Variants in BLK observed in about 807,000 individuals in gnomAD.
BLK encodes the protein BLK proto-oncogene, Src family tyrosine kinase, also known as tyrosine-protein kinase Blk.
In BLK, 64 loss-of-function variants were observed where a neutral mutation model predicts 61.8. The ratio of observed to expected loss-of-function variants is 1.03; its 90% CI spans 0.85 to 1.27. BLK has a LOEUF of 1.27. Ranked by LOEUF, BLK falls within the 50% of genes most tolerant of loss-of-function variation. The pLI, the probability that BLK is intolerant of heterozygous loss-of-function variation, is 0.00. For synonymous variants in BLK, 351 were observed against 272.0 expected, an observed-to-expected ratio of 1.29 and a Z score of -2.86; for missense variants, 853 against 660.5, an observed-to-expected ratio of 1.29 and a Z score of -3.19.
intron 5 of BLK, 132 bp from the exon 6 acceptor site, chr8:11,550,027 C>T (rs1800827753): frequency 1.2e-6 from 1 of 809,986 alleles, no homozygotes; most frequent in African/African-American, 1.7e-5. Flanking sequence ...GGAGCAGCAG[C>T]TCAGGGCCGA....
intron 6 of BLK, among the ~76,000 whole-genome samples, chr8:11,551,544 G>T (rs1800905803): frequency 6.6e-6 from 1 of 152,134 alleles, no homozygotes; most frequent in African/African-American, 2.4e-5. Context: ...CATATGAATT[G>T]GGAGCGCACA....
chr8:11,519,594 C>T (rs1384803954), intron 1 of BLK, among the ~76,000 whole-genome samples: 3 of 152,158 alleles, frequency 2.0e-5, no homozygotes, highest in Admixed American at 1.3e-4. Flanking sequence ...ACAGTTCATG[C>T]TTATTTAGAG....
chr8:11,511,843 T>A (rs1482562126), intron 1 of BLK, among the ~76,000 whole-genome samples: 2 of 152,246 alleles, frequency 1.3e-5, no homozygotes, highest in African/African-American at 4.8e-5. Flanking sequence ...ATATTTAGGA[T>A]AACACTGGTT....
In BLK at chr8:11,550,223, G is replaced by A. The variant is rs751857293; in HGVS notation, c.433G>A (p.Ala145Thr). ...ERQLLAPINKAGSFLIRESET... is the reference protein window; with the variant it reads ...ERQLLAPINKTGSFLIRESET... The stretch of plus-strand genomic sequence containing the variant: ...GCAGCTTCTTGCTCCAATCAACAAG[G>A]CCGGCTCCTTTCTTATCAGAGAGAG... The change falls in exon 6 of 13, where the codon GCC becomes ACC. Residue 145 changes from alanine to threonine, a missense_variant. Physicochemically the swap from Ala to Thr is moderately conservative, Grantham distance 58 (BLOSUM62 0). Coordinates refer to ENST00000259089, the MANE Select transcript of BLK (RefSeq NM_001715.3). The A allele has an allele frequency of 1.6e-5, 26 of 1,614,004 alleles. No individual in the cohort carries two copies. Among genetic ancestry groups the A allele is most frequent in the South Asian group, 5.5e-5 (5 of 91,090 alleles).
rs552140816 is a variant in BLK, at chr8:11,520,420, T to C, written c.-1-22804T>C. On this transcript the variant is annotated intron_variant, in intron 1 of 12. Coordinates refer to ENST00000259089, the MANE Select transcript of BLK (RefSeq NM_001715.3). ...TGTGCCCAGAAGATTGAGGCTGCAG[T>C]GAGCCGTGATCATGCCACACACTTC... Among the ~76,000 whole-genome samples, 442 of 127,816 alleles carry C rather than the reference T, an allele frequency of 3.5e-3. 3 individuals are homozygous for C. Among genetic ancestry groups the C allele is most frequent in the African/African-American group, 0.013 (414 of 33,054 alleles). The allele number at this position is 127,816 out of a possible 152,430, so 83.9% of individuals were successfully genotyped here.
rs772174625 is a variant in BLK, at chr8:11,561,211, GCCCACA to G, written c.1030-90_1030-85del. 2.9e-5 allele frequency: 44 copies of G among 1,520,240 alleles called. No individual in the cohort carries two copies. The African/African-American group carries it at 5.4e-4, about 19-fold the overall frequency. 94.2% of individuals were successfully genotyped at this position (1,520,240 alleles called of 1,614,324 possible). ...CCAAGAAACAGCTCCTTCCCCAGCAGCCCACAGGGGCTGTGCGGGGGACACAGTGTG... is the reference window on the plus strand; with the variant it reads ...CCAAGAAACAGCTCCTTCCCCAGCAGGGGGCTGTGCGGGGGACACAGTGTG... On this transcript the variant is annotated intron_variant, in intron 10 of 12. Coordinates refer to ENST00000259089, the MANE Select transcript of BLK (RefSeq NM_001715.3).
At position 11,563,930 on chromosome 8, in the gene BLK, A is replaced by C. The variant is rs1801607102; in HGVS notation, c.1340A>C (p.Asn447Thr). ...ATGAGCAACCCCGAGGTCATCCGCA[A>C]CCTGGAGCGCGGCTACCGCATGCCG... Reference protein sequence around the residue: ...PGMSNPEVIRNLERGYRMPRP... With the variant: ...PGMSNPEVIRTLERGYRMPRP... Residue 447 changes from asparagine (N) to threonine (T), a missense_variant, in exon 13 of 13, where the codon AAC (asparagine) becomes ACC (threonine). By Grantham distance (65) the Asn-to-Thr change is moderately conservative. Transcript: ENST00000259089. 4 of 1,608,670 alleles carry C rather than the reference A, an allele frequency of 2.5e-6. No homozygotes were observed. The highest frequency in any genetic ancestry group is 3.4e-6 in the Non-Finnish European group (4 of 1,179,448).
chr8:11,511,107 T>C lies in BLK; in HGVS notation c.-2+16516T>C, dbSNP rs113112781. 6.3e-3 allele frequency among the ~76,000 whole-genome samples: 964 copies of C among 152,334 alleles called. 3 individuals are homozygous for C. Among genetic ancestry groups the C allele is most frequent in the Middle Eastern group, 0.014 (4 of 294 alleles). ...AGCTGTGTTTACCAAACTGAAATGT[T>C]ACTATTTGAGGCTGAAGGAGCCAAA... On this transcript the variant is annotated intron_variant, in intron 1 of 12. Transcript: ENST00000259089.
intron 1 of BLK, among the ~76,000 whole-genome samples, chr8:11,515,980 G>T (rs541383405): frequency 6.6e-6 from 1 of 152,246 alleles, no homozygotes; most frequent in African/African-American, 2.4e-5. Context: ...GTGCACTCGC[G>T]TGCCTGGGAT....
intron 1 of BLK, among the ~76,000 whole-genome samples, chr8:11,520,061 G>A (rs2117326642): frequency 6.6e-6 from 1 of 152,226 alleles, no homozygotes; most frequent in African/African-American, 2.4e-5. Flanking sequence ...ACAAACCACA[G>A]ATAACTTTGG....
At chr8:11,555,596 A>ATC in intron 8 of BLK, 112 bp downstream of exon 8, 1 of 1,511,090 alleles carries the variant, frequency 6.6e-7, no homozygotes, top group Non-Finnish European at 9.0e-7. Context: ...AAGTCTTGAG[A>ATC]GGGAGCGAGG....
rs1158566798 is a variant in BLK at position 11,549,058 on chromosome 8, A to G, written c.304A>G (p.Thr102Ala). The change falls in exon 5 of 13, where the codon ACA becomes GCA. Residue 102 changes from threonine to alanine, a missense_variant. Transcript: ENST00000259089. ...CTGGTGGCTGGCCAGGTCACTCGTC[A>G]CAGGAAGAGAAGGCTATGTGCCCAG... ...GDWWLARSLV[T>A]GREGYVPSNF... 1.2e-6 allele frequency: 2 copies of G among 1,611,464 alleles called. No individual in the cohort carries two copies. Among genetic ancestry groups the G allele is most frequent in the Non-Finnish European group, 1.7e-6 (2 of 1,179,098 alleles).
At chr8:11,505,952 C>T (rs1209121509) in intron 1 of BLK, among the ~76,000 whole-genome samples, 1 of 152,234 alleles carries the variant, frequency 6.6e-6, no homozygotes, top group East Asian at 1.9e-4. Context: ...AATGTCCCTG[C>T]CTCCGATAAG....
intron 6 of BLK, among the ~76,000 whole-genome samples, chr8:11,550,485 G>T (rs1237700821): frequency 6.6e-6 from 1 of 152,274 alleles, no homozygotes; most frequent in Admixed American, 6.5e-5. Context: ...ACAGGAAGCC[G>T]GGTGGACAGG....
intron 1 of BLK, among the ~76,000 whole-genome samples, chr8:11,515,739 T>C (rs1799198626): frequency 6.6e-6 from 1 of 152,252 alleles, no homozygotes; most frequent in African/African-American, 2.4e-5. Flanking sequence ...TCATGTCATA[T>C]GTGCTGCGCT....
intron 1 of BLK, among the ~76,000 whole-genome samples, chr8:11,538,756 G>C (rs1800241597): frequency 6.6e-6 from 1 of 152,182 alleles, no homozygotes; most frequent in East Asian, 1.9e-4. Flanking sequence ...TTGAGTCAGG[G>C]AGGCTGAGAG....
intron 1 of BLK, among the ~76,000 whole-genome samples, chr8:11,497,370 C>G (rs540268371): frequency 6.6e-6 from 1 of 152,160 alleles, no homozygotes; most frequent in Non-Finnish European, 1.5e-5. Flanking sequence ...AATCCCTTCC[C>G]CACCTTCCCA....
chr8:11,510,774 CAAATAAATAAAT>C (rs71203391), intron 1 of BLK, among the ~76,000 whole-genome samples: 2,912 of 144,920 alleles, frequency 0.02, 70 homozygotes, highest in African/African-American at 0.065. Flanking sequence ...GACTCCATCT[CAAATAAATAAAT>C]AAATAAATAA....
At chr8:11,542,725 G>C (rs1337209528) in intron 1 of BLK, among the ~76,000 whole-genome samples, 1 of 152,158 alleles carries the variant, frequency 6.6e-6, no homozygotes, top group African/African-American at 2.4e-5. Context: ...AATGTATATA[G>C]TGTCTCACCC....
Sources: gnomAD v4.1 joint callset for allele counts (sites outside exome capture counted in the v4.1 genomes callset) on GRCh38, gnomAD v4.1.1 for gene constraint, MANE v1.5 for transcripts, NCBI Gene and HGNC (gene_info 2026-07-23, HGNC 2026-07-21) for gene names.